ITSN1: variants seen among roughly 807,000 people sequenced by gnomAD.
ITSN1 encodes the protein intersectin 1, also known as intersectin-1.
Under a neutral mutation model 239.8 loss-of-function variants are expected in ITSN1, and 58 were observed. The ratio of observed to expected loss-of-function variants is 0.24; its 90% CI spans 0.20 to 0.30. The LOEUF (loss-of-function observed/expected upper bound fraction) is 0.30, where lower values mean the gene tolerates loss of function less well. Among genes scored for constraint, ITSN1 ranks in the 10% least tolerant of loss-of-function variants. ITSN1 has a pLI of 1.00. For missense variants in ITSN1, 1,558 were observed against 2,103.3 expected (o/e 0.74, Z 5.07); for synonymous variants, 780 against 770.8 (o/e 1.01, Z -0.20).
intron 8 of ITSN1, among the ~76,000 whole-genome samples, chr21:33,759,304 C>G (rs945085862): frequency 2.0e-5 from 3 of 152,210 alleles, no homozygotes; most frequent in Non-Finnish European, 4.4e-5. Context: ...CCTCATTTCA[C>G]AGATGGAAGA....
chr21:33,665,178 G>T (rs376058394), intron 1 of ITSN1, among the ~76,000 whole-genome samples: 1 of 152,038 alleles, frequency 6.6e-6, no homozygotes, highest in Non-Finnish European at 1.5e-5. Context: ...CAGGAGAATC[G>T]CTTGAACCTG....
intron 1 of ITSN1, among the ~76,000 whole-genome samples, chr21:33,659,310 G>A (rs1407793734): frequency 6.6e-6 from 1 of 152,110 alleles, no homozygotes; most frequent in Non-Finnish European, 1.5e-5. Flanking sequence ...CTTCCATTTG[G>A]CTGTTCCTGA....
intron 1 of ITSN1, among the ~76,000 whole-genome samples, chr21:33,707,441 A>G (rs1232993990): frequency 6.6e-6 from 1 of 152,092 alleles, no homozygotes; most frequent in Non-Finnish European, 1.5e-5. Context: ...TTAAAAATGT[A>G]CAGTTTGGTT....
At chr21:33,810,214 A>T (rs1239721542) in intron 20 of ITSN1, among the ~76,000 whole-genome samples, 2 of 152,246 alleles carry the variant, frequency 1.3e-5, no homozygotes, top group South Asian at 4.1e-4. Flanking sequence ...TGGATGATCC[A>T]TTTGAGTCAG....
At chr21:33,738,455 G>A (rs1213130898) in intron 5 of ITSN1, among the ~76,000 whole-genome samples, 1 of 151,986 alleles carries the variant, frequency 6.6e-6, no homozygotes, top group East Asian at 1.9e-4. Flanking sequence ...AGGCTGGAGT[G>A]CAGTGGCATG....
rs529513106 is a variant in ITSN1, at chr21:33,860,555, G to A, written c.3890+1763G>A. Among the ~76,000 whole-genome samples the A allele has an allele frequency of 4.6e-5, 7 of 152,272 alleles. No homozygotes were observed. The East Asian group carries it at 1.4e-3, about 29-fold the overall frequency. On this transcript the variant is annotated intron_variant, in intron 31 of 39. Coordinates refer to ENST00000381318, the MANE Select transcript of ITSN1 (RefSeq NM_003024.3). ...GAAGAAGCAGCCTCTTTCTTGAGCT[G>A]TGTGGGGGGCCAGGCCTGCGTGCTT...
rs546796862 is a variant in ITSN1, at chr21:33,883,917, T to C, written c.4676+246T>C. On this transcript the variant is annotated intron_variant, in intron 36 of 39. Coordinates refer to ENST00000381318, the MANE Select transcript of ITSN1 (RefSeq NM_003024.3). The stretch of plus-strand genomic sequence containing the variant: ...GAGTTTTTTTTTTTTTTTTTTTTTT[T>C]AAGGCAGAGTCTCACTCTGTCACCC... 2.8e-4 allele frequency among the ~76,000 whole-genome samples: 42 copies of C among 150,322 alleles called. No individual in the cohort carries two copies. In the South Asian group the frequency reaches 9.0e-3, roughly 32 times the overall value.
chr21:33,760,926 C>T (rs543616426), intron 8 of ITSN1, among the ~76,000 whole-genome samples: 6 of 151,932 alleles, frequency 3.9e-5, no homozygotes, highest in East Asian at 1.9e-4. Flanking sequence ...TCCTACTGTG[C>T]GTTTGTCTGA....
chr21:33,796,935 G>A (rs2071609596), intron 17 of ITSN1, among the ~76,000 whole-genome samples: 1 of 152,178 alleles, frequency 6.6e-6, no homozygotes. Flanking sequence ...AATCAAAGTA[G>A]TTGAAGTCAA....
At chr21:33,751,089 T>C (rs1174866341) in intron 6 of ITSN1, among the ~76,000 whole-genome samples, 1 of 152,252 alleles carries the variant, frequency 6.6e-6, no homozygotes, top group Non-Finnish European at 1.5e-5. Context: ...TATGGCCAAA[T>C]AAGCTAAATG....
intron 1 of ITSN1, among the ~76,000 whole-genome samples, chr21:33,645,713 A>G (rs376817110): frequency 6.6e-6 from 1 of 152,216 alleles, no homozygotes; most frequent in African/African-American, 2.4e-5. Flanking sequence ...ACCTCGCTTC[A>G]GAATCAGACA....
intron 1 of ITSN1, among the ~76,000 whole-genome samples, chr21:33,669,804 A>G (rs932389851): frequency 6.6e-5 from 10 of 151,076 alleles, no homozygotes; most frequent in African/African-American, 2.5e-4. Context: ...TTAATCTCAG[A>G]AAATGACATG....
At chr21:33,778,436 A>G (rs1043941645) in intron 14 of ITSN1, among the ~76,000 whole-genome samples, 6 of 152,110 alleles carry the variant, frequency 3.9e-5, no homozygotes, top group African/African-American at 1.4e-4. Context: ...ACTTAATTAT[A>G]AAATTCATTA....
chr21:33,844,749 G>C (rs2074935621), intron 29 of ITSN1, among the ~76,000 whole-genome samples: 1 of 152,092 alleles, frequency 6.6e-6, no homozygotes, highest in Non-Finnish European at 1.5e-5. Flanking sequence ...CCAGGCCAGG[G>C]ATGCCTCTTT....
chr21:33,814,764 G>A lies in ITSN1; in HGVS notation c.2727+692G>A, dbSNP rs2073151691. ...AGCGGTGTGCAGGAAGATTAGAGTG[G>A]AGGGCCGGCAGGGCGGTGCCACCAG... On this transcript the variant is annotated intron_variant, in intron 22 of 39. Coordinates refer to ENST00000381318, the MANE Select transcript of ITSN1 (RefSeq NM_003024.3). Among the ~76,000 whole-genome samples, 3 of 152,174 alleles carry A rather than the reference G, an allele frequency of 2.0e-5. No individual in the cohort carries two copies. In the South Asian group the frequency reaches 6.2e-4, roughly 32 times the overall value.
In ITSN1 at chr21:33,828,228, T is replaced by C. The variant is rs117423262; in HGVS notation, c.3229+1365T>C. On this transcript the variant is annotated intron_variant, in intron 26 of 39. Transcript: ENST00000381318. ...TCCCTTGAGGAGCAAGAACATCCAG[T>C]GCCAAATAGGACACTAGTTTGGTCT... 6.3e-3 allele frequency among the ~76,000 whole-genome samples: 958 copies of C among 152,356 alleles called. 6 individuals carry two copies. Among genetic ancestry groups the C allele is most frequent in the Middle Eastern group, 0.031 (9 of 294 alleles).
intron 1 of ITSN1, among the ~76,000 whole-genome samples, chr21:33,704,247 T>C (rs560297796): frequency 6.6e-5 from 10 of 152,354 alleles, no homozygotes; most frequent in Non-Finnish European, 1.2e-4. Flanking sequence ...ACTGGACTTA[T>C]ATGTCAGCAT....
At chr21:33,845,748 T>G (rs2074971438) in intron 29 of ITSN1, among the ~76,000 whole-genome samples, 1 of 152,210 alleles carries the variant, frequency 6.6e-6, no homozygotes, top group Non-Finnish European at 1.5e-5. Context: ...CTGCCACCTT[T>G]GAGTCCCCGT....
At chr21:33,795,100 A>G (rs1334257518) in intron 17 of ITSN1, among the ~76,000 whole-genome samples, 1 of 152,204 alleles carries the variant, frequency 6.6e-6, no homozygotes, top group Non-Finnish European at 1.5e-5. Flanking sequence ...ACTCCACGAA[A>G]CAAAAATGAC....
Sources: allele counts gnomAD v4.1 joint callset (sites outside exome capture counted in the v4.1 genomes callset), GRCh38; gene constraint gnomAD v4.1.1; transcripts MANE v1.5; gene names NCBI Gene and HGNC (gene_info 2026-07-23, HGNC 2026-07-21).